ZC3H8: variants seen among roughly 807,000 people sequenced by gnomAD.
ZC3H8 encodes zinc finger CCCH domain-containing protein 8.
A neutral mutation model predicts 42.5 loss-of-function variants in ZC3H8; 27 were observed. The observed-to-expected ratio is 0.64, with a 90% CI of 0.47 to 0.88. ZC3H8 has a LOEUF of 0.88. ZC3H8 is among the 40% of genes least tolerant of loss of function. The pLI is 0.00. For missense variants in ZC3H8, 277 were observed against 336.1 expected, an observed-to-expected ratio of 0.82 and a Z score of 1.37; for synonymous variants, 101 against 110.1, an observed-to-expected ratio of 0.92 and a Z score of 0.52.
At chr2:112,253,393 T>C (rs1686023672) in intron 1 of ZC3H8, among the ~76,000 whole-genome samples, 2 of 152,060 alleles carry the variant, frequency 1.3e-5, no homozygotes, top group South Asian at 4.1e-4. Context: ...AGTATTCCCA[T>C]CACAAATTAC....
In ZC3H8 at chr2:112,233,286, C is replaced by A; in HGVS notation, c.707G>T (p.Arg236Ile). 1 of 1,593,964 alleles carries A rather than the reference C, an allele frequency of 6.3e-7. No individual in the cohort carries two copies. ...ATGCAAATACAGACAGTTTTCACCT[C>A]TGGTACAATATCCTTGTACATAAAA... ...CKFYVQGYCT[R>I]GENCLYLHNE... Residue 236 changes from arginine (R) to isoleucine (I), a missense_variant, in exon 6 of 9, where the codon AGA becomes ATA. Physicochemically the swap from Arg to Ile is moderately conservative, Grantham distance 97. Transcript: ENST00000409573.
chr2:112,245,210 C>G (rs1685713625), intron 2 of ZC3H8, among the ~76,000 whole-genome samples: 1 of 152,232 alleles, frequency 6.6e-6, no homozygotes, highest in Non-Finnish European at 1.5e-5. Context: ...ATAACATTCC[C>G]TTAAGCCAAA....
intron 1 of ZC3H8, 24 bp downstream of exon 1, chr2:112,254,884 A>G: frequency 1.2e-6 from 2 of 1,612,004 alleles, no homozygotes; most frequent in South Asian, 1.1e-5. Flanking sequence ...CCTGCATTCA[A>G]AAGATGAAAA....
Position 112,213,351 on chromosome 2 carries a change from T to C in ZC3H8, c.*3133A>G, listed in dbSNP as rs1684204081. On this transcript the variant is annotated 3_prime_UTR_variant, in exon 9 of 9. Coordinates refer to ENST00000409573, the MANE Select transcript of ZC3H8 (RefSeq NM_032494.3). ...TGAACTAAGACAATTATGCTGAAACTCAGGAAACCTATTAAAACAGGGGAC... is the reference window on the plus strand; with the variant it reads ...TGAACTAAGACAATTATGCTGAAACCCAGGAAACCTATTAAAACAGGGGAC... 6.6e-6 allele frequency: 1 copy of C among 151,792 alleles called. No homozygotes were observed. The allele number at this position is 151,792 out of a possible 1,614,324, so 9.4% of individuals were successfully genotyped here.
At chr2:112,254,534 G>A (rs1407969730) in intron 1 of ZC3H8, among the ~76,000 whole-genome samples, 1 of 152,252 alleles carries the variant, frequency 6.6e-6, no homozygotes, top group Non-Finnish European at 1.5e-5. Flanking sequence ...GGAGTTTACG[G>A]TCTCGTGGAA....
rs377514474 is a variant in ZC3H8 at position 112,252,795 on chromosome 2, T to G, written c.74+2113A>C. ...CCTCCTTCAGGTCCCTACACAGATT[T>G]TTAAAACTTACCAATGTTATCAGTG... On this transcript the variant is annotated intron_variant, in intron 1 of 8. Transcript: ENST00000409573. Among the ~76,000 whole-genome samples the G allele has an allele frequency of 1.5e-4, 23 of 152,270 alleles. No individual in the cohort carries two copies. In the East Asian group the frequency reaches 4.4e-3, roughly 29 times the overall value.
chr2:112,227,278 A>G (rs373990238), intron 8 of ZC3H8, among the ~76,000 whole-genome samples: 30 of 152,356 alleles, frequency 2.0e-4, no homozygotes, highest in Middle Eastern at 3.4e-3. Flanking sequence ...TAATCCCAGC[A>G]CTTTGGGAGG....
chr2:112,249,773 T>C (rs1216444365), intron 2 of ZC3H8, among the ~76,000 whole-genome samples: 1 of 152,180 alleles, frequency 6.6e-6, no homozygotes, highest in East Asian at 1.9e-4. Context: ...ACCCAGTCTG[T>C]GGTACTTTGT....
chr2:112,254,070 T>A, intron 1 of ZC3H8: 1 of 960,934 alleles, frequency 1.0e-6, no homozygotes, highest in Non-Finnish European at 1.2e-6. Flanking sequence ...GTTTTGAGGA[T>A]TAAGTGATTT....
intron 2 of ZC3H8, among the ~76,000 whole-genome samples, chr2:112,241,352 T>C (rs554441850): frequency 9.9e-5 from 15 of 152,282 alleles, no homozygotes; most frequent in African/African-American, 3.6e-4. Flanking sequence ...AAATCTTCCA[T>C]GGGCTGGCAT....
At chr2:112,231,781 G>T in intron 7 of ZC3H8, 57 bp downstream of exon 7, 4 of 1,132,512 alleles carry the variant, frequency 3.5e-6, no homozygotes, top group Non-Finnish European at 5.0e-6. Flanking sequence ...CTCATCCTTA[G>T]TTCAAACATA....
At chr2:112,236,885 G>C (rs1685359276) in intron 3 of ZC3H8, among the ~76,000 whole-genome samples, 190 bp from the exon 4 acceptor site, 1 of 152,058 alleles carries the variant, frequency 6.6e-6, no homozygotes, top group African/African-American at 2.4e-5. Flanking sequence ...AGGCAGCCTA[G>C]AGATCTTGTC....
intron 8 of ZC3H8, among the ~76,000 whole-genome samples, chr2:112,223,607 T>C (rs1573887986): frequency 6.6e-6 from 1 of 152,150 alleles, no homozygotes; most frequent in East Asian, 1.9e-4. Context: ...AAATAGTACA[T>C]TAAGAAAAAT....
rs539836679 is a variant in ZC3H8 at position 112,214,072 on chromosome 2, G to C, written c.*2412C>G. 1 of 150,654 alleles carries C rather than the reference G, an allele frequency of 6.6e-6. No homozygotes were observed. Among genetic ancestry groups the C allele is most frequent in the South Asian group, 2.1e-4 (1 of 4,720 alleles). The allele number at this position is 150,654 out of a possible 1,614,324, so 9.3% of individuals were successfully genotyped here. ...CACCATTCTCTTGCCTCAGCCTCCC[G>C]AGTAGCTGGGACTACAGGTGCCCGC... is the stretch of plus-strand genomic sequence containing the variant. On this transcript the variant is annotated 3_prime_UTR_variant, in exon 9 of 9. Transcript: ENST00000409573.
intron 8 of ZC3H8, 45 bp downstream of exon 8, chr2:112,230,858 A>G: frequency 8.1e-7 from 1 of 1,229,788 alleles, no homozygotes; most frequent in Admixed American, 4.0e-5. Context: ...ACTTCTGGAG[A>G]TGTTCAGACA....
chr2:112,233,170 C>A (rs1485236819), intron 6 of ZC3H8, 90 bp downstream of exon 6: 1 of 781,940 alleles, frequency 1.3e-6, no homozygotes, highest in Admixed American at 3.4e-5. Context: ...TTTTGGTATA[C>A]CTAAAACACT....
At chr2:112,226,229 TA>T (rs1006513877) in intron 8 of ZC3H8, among the ~76,000 whole-genome samples, 1 of 150,454 alleles carries the variant, frequency 6.6e-6, no homozygotes, top group Non-Finnish European at 1.5e-5. Flanking sequence ...GTTTTTTTTT[TA>T]AAAAAGAAAA....
chr2:112,241,239 C>T (rs1685572227), intron 2 of ZC3H8, among the ~76,000 whole-genome samples: 1 of 152,090 alleles, frequency 6.6e-6, no homozygotes, highest in Non-Finnish European at 1.5e-5. Flanking sequence ...CACCCAGGTA[C>T]TTTCCCTAGG....
chr2:112,248,497 A>T (rs902564087), intron 2 of ZC3H8, among the ~76,000 whole-genome samples: 5 of 149,434 alleles, frequency 3.3e-5, no homozygotes, highest in African/African-American at 9.8e-5. Flanking sequence ...GTTAAAACTC[A>T]TTTTTTTTTT....
Sources: gnomAD v4.1 joint callset for allele counts (sites outside exome capture counted in the v4.1 genomes callset) on GRCh38, gnomAD v4.1.1 for gene constraint, MANE v1.5 for transcripts, NCBI Gene and HGNC (gene_info 2026-07-23, HGNC 2026-07-21) for gene names.